Variants in ATAD3A observed in about 807,000 individuals in gnomAD.
The protein encoded by ATAD3A is ATPase family AAA domain-containing protein 3A.
In ATAD3A, 46 loss-of-function variants were observed where a neutral mutation model predicts 73.8. The ratio of observed to expected loss-of-function variants is 0.62; its 90% CI spans 0.49 to 0.80. ATAD3A has a LOEUF of 0.80. Among genes scored for constraint, ATAD3A ranks in the 30% least tolerant of loss-of-function variants. The probability of loss-of-function intolerance (pLI) is 0.00; values close to 1 mark genes in which losing one functional copy is unlikely to be tolerated. For synonymous variants in ATAD3A, 319 were observed against 350.0 expected (o/e 0.91, Z 0.99); for missense variants, 705 against 838.0 (o/e 0.84, Z 1.96).
chr1:1,522,717 T>C (rs765096998), intron 7 of ATAD3A, 27 bp from the exon 8 acceptor site: 2 of 1,610,418 alleles, frequency 1.2e-6, no homozygotes, highest in Non-Finnish European at 1.7e-6. Context: ...TGGGGGCCGG[T>C]GCGCCAGTGC....
At chr1:1,516,893 G>C (rs1462970508) in intron 2 of ATAD3A, among the ~76,000 whole-genome samples, 1 of 151,966 alleles carries the variant, frequency 6.6e-6, no homozygotes, top group Non-Finnish European at 1.5e-5. Context: ...TGTATTTTTA[G>C]TAGAGATGGG....
Position 1,523,703 on chromosome 1 carries a change from G to A in ATAD3A, c.963+136G>A, listed in dbSNP as rs1242789944. ...GAGATGCGACTGCTTGGACCGTGCT[G>A]GGGATAGATAGGCTGCCCCTGAGGT... On this transcript the variant is annotated intron_variant, in intron 9 of 15. Transcript: ENST00000378756. The surrounding 1 kb of genome is among the most constrained non-coding windows in gnomAD (Gnocchi z 5.1). 2 of 1,588,740 alleles carry A rather than the reference G, an allele frequency of 1.3e-6. No individual in the cohort carries two copies. The highest frequency in any genetic ancestry group is 1.3e-5 in the African/African-American group (1 of 74,132).
intron 1 of ATAD3A, among the ~76,000 whole-genome samples, chr1:1,513,437 T>G (rs1021270616): frequency 3.3e-5 from 5 of 151,106 alleles, no homozygotes; most frequent in African/African-American, 1.2e-4. Context: ...GACCTGTGCC[T>G]CTGAGTTGCT....
chr1:1,518,285 T>C (rs10159033), intron 4 of ATAD3A, among the ~76,000 whole-genome samples: 51,209 of 122,926 alleles, frequency 0.42, 15,692 homozygotes, highest in African/African-American at 0.85. Context: ...CACAGGTACG[T>C]ACCCCCCCAC....
chr1:1,528,684 G>GT (rs1557477169), intron 14 of ATAD3A, among the ~76,000 whole-genome samples: 2 of 152,218 alleles, frequency 1.3e-5, no homozygotes, highest in African/African-American at 4.8e-5. Flanking sequence ...ACTTCTTGGC[G>GT]TCCCCCGGGC....
At position 1,523,432 on chromosome 1, in the gene ATAD3A, G is replaced by A. The variant is rs957507211; in HGVS notation, c.907-79G>A. The A allele has an allele frequency of 7.0e-6, 11 of 1,560,804 alleles. No homozygotes were observed. In the East Asian group the frequency reaches 1.2e-4, roughly 17 times the overall value. ...GGCAGCTCCGTTTCTGCGTGTTACC[G>A]AGCGTGTGTGTGCGCGTTGGTGGCT... On this transcript the variant is annotated intron_variant, in intron 8 of 15. Coordinates refer to ENST00000378756, the MANE Select transcript of ATAD3A (RefSeq NM_001170535.3). This position sits in a 1 kb window ranked among gnomAD's most constrained non-coding sequence, Gnocchi z 5.1.
intron 7 of ATAD3A, among the ~76,000 whole-genome samples, chr1:1,521,074 C>T (rs1489492684): frequency 3.3e-5 from 5 of 151,664 alleles, no homozygotes; most frequent in South Asian, 4.2e-4. Flanking sequence ...CAGAGGCGGG[C>T]GGATCACGAT....
chr1:1,523,613 T>C lies in ATAD3A; in HGVS notation c.963+46T>C, dbSNP rs549390435. 76 of 1,611,234 alleles carry C rather than the reference T, an allele frequency of 4.7e-5. No individual in the cohort carries two copies. The highest frequency in any genetic ancestry group is 3.8e-4 in the East Asian group (17 of 44,824). On this transcript the variant is annotated intron_variant, in intron 9 of 15. Transcript: ENST00000378756. This position sits in a 1 kb window ranked among gnomAD's most constrained non-coding sequence, Gnocchi z 5.1. Reference sequence around the variant, plus strand: ...CCGGGGAGGCGCAGGGAGGGGACCCTGGAGCTGGGCCGGGCTGTGGCCCTT... The same window carrying C: ...CCGGGGAGGCGCAGGGAGGGGACCCCGGAGCTGGGCCGGGCTGTGGCCCTT...
Position 1,518,963 on chromosome 1 carries a change from G to C in ATAD3A, c.487G>C (p.Val163Leu), listed in dbSNP as rs750567508. The change falls in exon 5 of 16, where the codon GTG becomes CTG. Residue 163 changes from valine (V) to leucine (L), a missense_variant. Physicochemically the swap from Val to Leu is conservative, Grantham distance 32. Coordinates refer to ENST00000378756, the MANE Select transcript of ATAD3A (RefSeq NM_001170535.3). ...GAATTTACGGAAGCAGGAGGAGTCC[G>C]TGCAGAAGCAGGAAGCCATGCGGCG... ...EENLRKQEES[V>L]QKQEAMRRAT... The C allele has an allele frequency of 3.1e-6, 5 of 1,614,018 alleles. No individual in the cohort carries two copies. The highest frequency in any genetic ancestry group is 4.2e-6 in the Non-Finnish European group (5 of 1,179,984).
At chr1:1,532,768 G>C (rs976156292) in intron 15 of ATAD3A, among the ~76,000 whole-genome samples, 1 of 152,170 alleles carries the variant, frequency 6.6e-6, no homozygotes, top group Non-Finnish European at 1.5e-5. Context: ...AAATGATGTT[G>C]AGCAGTCCTG....
chr1:1,534,531 C>G lies in ATAD3A; in HGVS notation c.*459C>G, dbSNP rs1368504422. 8.3e-6 allele frequency: 4 copies of G among 482,480 alleles called. No homozygotes were observed. In the East Asian group the frequency reaches 1.8e-4, roughly 22 times the overall value. The allele number at this position is 482,480 out of a possible 1,614,324, so 29.9% of individuals were successfully genotyped here. A position where few individuals can be genotyped will look rare whatever the true frequency, so the allele number is the denominator to read the frequency against. ...CCTGAACCCTGCTTCCCCCTGTGGC[C>G]GGCATGCCCCGATCTTTCACACACT... On this transcript the variant is annotated 3_prime_UTR_variant, in exon 16 of 16. Transcript: ENST00000378756.
intron 11 of ATAD3A, 46 bp from the exon 12 acceptor site, chr1:1,525,194 C>T: frequency 3.7e-6 from 6 of 1,612,424 alleles, no homozygotes; most frequent in Non-Finnish European, 5.1e-6. Context: ...CTGTGGGCTG[C>T]TCCTGGTGTC....
chr1:1,532,328 A>G (rs762041910), intron 15 of ATAD3A, among the ~76,000 whole-genome samples: 5 of 149,704 alleles, frequency 3.3e-5, no homozygotes, highest in South Asian at 2.1e-4. Flanking sequence ...ATGTTCTTCA[A>G]TTTGTCCAAG....
At chr1:1,526,031 T>TC (rs1570348160) in intron 12 of ATAD3A, among the ~76,000 whole-genome samples, 1 of 151,714 alleles carries the variant, frequency 6.6e-6, no homozygotes, top group East Asian at 1.9e-4. Flanking sequence ...TTTTTCTTTT[T>TC]TTTTTTTTTA....
At chr1:1,518,292 C>CCA (rs149530233) in intron 4 of ATAD3A, among the ~76,000 whole-genome samples, 13 of 137,544 alleles carry the variant, frequency 9.5e-5, no homozygotes, top group African/African-American at 2.5e-4. Flanking sequence ...ACGTACCCCC[C>CCA]CACACACACA....
chr1:1,520,111 G>T lies in ATAD3A; in HGVS notation c.515-30G>T. On this transcript the variant is annotated intron_variant, in intron 5 of 15. Transcript: ENST00000378756. The surrounding 1 kb of genome is among the most constrained non-coding windows in gnomAD (Gnocchi z 4.0). ...GGAGGTGGACGCGCTGCACTGCATG[G>T]TGCTGAGCTGCCCTGCCTCTCTGGG... 2 of 1,600,996 alleles carry T rather than the reference G, an allele frequency of 1.2e-6. No individual in the cohort carries two copies. Among genetic ancestry groups the T allele is most frequent in the Non-Finnish European group, 1.7e-6 (2 of 1,175,880 alleles).
intron 4 of ATAD3A, among the ~76,000 whole-genome samples, chr1:1,518,621 A>ACC (rs148694040): frequency 0.032 from 1,218 of 38,046 alleles, 28 homozygotes; most frequent in African/African-American, 0.041. Flanking sequence ...GGGCGTACAC[A>ACC]CCCCCCCCCA....
At position 1,529,863 on chromosome 1, in the gene ATAD3A, C is replaced by A. The variant is rs1641978205; in HGVS notation, c.1614+532C>A. On this transcript the variant is annotated intron_variant, in intron 15 of 15. Coordinates refer to ENST00000378756, the MANE Select transcript of ATAD3A (RefSeq NM_001170535.3). ...CTGCTCCAGGGCTGAGGAGCCAGGA[C>A]TCACAGGAGTGTGGGCGTGGCCATC... is the stretch of plus-strand genomic sequence containing the variant. Among the ~76,000 whole-genome samples the A allele has an allele frequency of 2.6e-5, 4 of 152,334 alleles. No homozygotes were observed. In the South Asian group the frequency reaches 8.3e-4, roughly 32 times the overall value.
In ATAD3A at chr1:1,512,190, G is replaced by C. The variant is rs1022535760; in HGVS notation, c.-79G>C. Reference sequence around the variant, plus strand: ...GGCGGTGACCACCGGCTCGCGGCGCGTGGAGGCTGCTCCCAGCCGCGCGCG... The same window carrying C: ...GGCGGTGACCACCGGCTCGCGGCGCCTGGAGGCTGCTCCCAGCCGCGCGCG... On this transcript the variant is annotated 5_prime_UTR_variant, in exon 1 of 16. Coordinates refer to ENST00000378756, the MANE Select transcript of ATAD3A (RefSeq NM_001170535.3). 8.2e-7 allele frequency: 1 copy of C among 1,221,568 alleles called. No individual in the cohort carries two copies. The highest frequency in any genetic ancestry group is 1.6e-5 in the African/African-American group (1 of 63,474). The allele number at this position is 1,221,568 out of a possible 1,614,324, so 75.7% of individuals were successfully genotyped here. A position where few individuals can be genotyped will look rare whatever the true frequency, so the allele number is the denominator to read the frequency against.
Sources: gnomAD v4.1 joint callset for allele counts (sites outside exome capture counted in the v4.1 genomes callset) on GRCh38, gnomAD v4.1.1 for gene constraint, Gnocchi (gnomAD v3.1) non-coding constraint, MANE v1.5 for transcripts, NCBI Gene and HGNC (gene_info 2026-07-23, HGNC 2026-07-21) for gene names.